The following SH3BGRL2 variants were observed in gnomAD, a reference collection of about 807,000 sequenced individuals.
The protein encoded by SH3BGRL2 is SH3 domain-binding glutamic acid-rich-like protein 2.
A neutral mutation model predicts 14.8 loss-of-function variants in SH3BGRL2; 21 were observed. That is an observed-to-expected ratio of 1.42 (90% CI 1.01 to 2.05). SH3BGRL2 has a LOEUF of 2.05. Ranked by LOEUF, SH3BGRL2 falls within the 30% of genes most tolerant of loss-of-function variation. The probability of loss-of-function intolerance (pLI) is 0.00; values close to 1 mark genes in which losing one functional copy is unlikely to be tolerated. For missense variants in SH3BGRL2, 147 were observed against 130.8 expected (o/e 1.12, Z -0.61); for synonymous variants, 50 against 47.8 (o/e 1.05, Z -0.19).
upstream of SH3BGRL2, among the ~76,000 whole-genome samples, chr6:79,628,798 C>T (rs1220749796): frequency 6.6e-6 from 1 of 152,220 alleles, no homozygotes; most frequent in East Asian, 1.9e-4. Context: ...TTATATCCTT[C>T]TGTTCCTCAG....
chr6:79,572,669 G>A, the SH3BGRL2 span, among the ~76,000 whole-genome samples: 1 of 152,098 alleles, frequency 6.6e-6, no homozygotes, highest in South Asian at 2.1e-4. Flanking sequence ...GTTTCACTGT[G>A]TTAGCCAGGA....
chr6:79,693,660 T>G (rs1770273976), intron 2 of SH3BGRL2, among the ~76,000 whole-genome samples: 1 of 152,210 alleles, frequency 6.6e-6, no homozygotes, highest in African/African-American at 2.4e-5. Context: ...TGGATTACAT[T>G]TATTGATTTG....
At chr6:79,652,154 G>A (rs1345534899) in intron 1 of SH3BGRL2, among the ~76,000 whole-genome samples, 3 of 152,138 alleles carry the variant, frequency 2.0e-5, no homozygotes, top group African/African-American at 7.2e-5. Flanking sequence ...AACTTGGATA[G>A]GAAGTATGGA....
chr6:79,591,636 G>A, the SH3BGRL2 span, among the ~76,000 whole-genome samples: 1 of 152,300 alleles, frequency 6.6e-6, no homozygotes, highest in Non-Finnish European at 1.5e-5. Flanking sequence ...TCGATCTCCT[G>A]ACTTCGTGAT....
chr6:79,557,760 T>C, the SH3BGRL2 span, among the ~76,000 whole-genome samples: 1 of 152,246 alleles, frequency 6.6e-6, no homozygotes, highest in South Asian at 2.1e-4. Context: ...AGAATGACTT[T>C]TTTCTAAGTA....
At chr6:79,567,636 TTACTTA>T in the SH3BGRL2 span, among the ~76,000 whole-genome samples, 2 of 152,236 alleles carry the variant, frequency 1.3e-5, no homozygotes, top group East Asian at 1.9e-4. Flanking sequence ...TGGCAGGAAT[TTACTTA>T]TACTTTTTAA....
At chr6:79,640,716 T>C (rs1416600693) in intron 1 of SH3BGRL2, among the ~76,000 whole-genome samples, 1 of 152,050 alleles carries the variant, frequency 6.6e-6, no homozygotes, top group Non-Finnish European at 1.5e-5. Context: ...TCTGCCAGCA[T>C]TGCTTCTCAG....
the SH3BGRL2 span, among the ~76,000 whole-genome samples, chr6:79,611,068 C>A: frequency 6.6e-6 from 1 of 152,092 alleles, no homozygotes; most frequent in Non-Finnish European, 1.5e-5. Flanking sequence ...CTCTAAAATT[C>A]TATGATTTTA....
chr6:79,656,630 AT>A (rs1377437349), intron 1 of SH3BGRL2, among the ~76,000 whole-genome samples: 1 of 152,218 alleles, frequency 6.6e-6, no homozygotes, highest in Non-Finnish European at 1.5e-5. Context: ...CAATAAAAAA[AT>A]AAAAATTTAA....
chr6:79,618,360 T>C, the SH3BGRL2 span, among the ~76,000 whole-genome samples: 42 of 152,322 alleles, frequency 2.8e-4, no homozygotes, highest in African/African-American at 9.6e-4. Flanking sequence ...GGCTTCCTCC[T>C]GTGTCCTTTT....
the SH3BGRL2 span, among the ~76,000 whole-genome samples, chr6:79,601,043 A>G: frequency 6.6e-6 from 1 of 152,166 alleles, no homozygotes; most frequent in African/African-American, 2.4e-5. Flanking sequence ...TGTCAGTTGA[A>G]GGATTTCATG....
chr6:79,661,095 T>C (rs1769537142), intron 1 of SH3BGRL2, among the ~76,000 whole-genome samples: 1 of 152,186 alleles, frequency 6.6e-6, no homozygotes, highest in Admixed American at 6.5e-5. Context: ...CTGGATTCAT[T>C]GATTTTTTGA....
chr6:79,628,868 A>G (rs1582708014), upstream of SH3BGRL2, among the ~76,000 whole-genome samples: 1 of 152,214 alleles, frequency 6.6e-6, no homozygotes, highest in African/African-American at 2.4e-5. Flanking sequence ...TCCATGAAAC[A>G]AAACCTATTT....
At chr6:79,589,051 C>G in the SH3BGRL2 span, among the ~76,000 whole-genome samples, 1 of 151,978 alleles carries the variant, frequency 6.6e-6, no homozygotes, top group African/African-American at 2.4e-5. Context: ...TTCATATAAC[C>G]TATACTTTAA....
At chr6:79,559,626 G>T in the SH3BGRL2 span, among the ~76,000 whole-genome samples, 25,075 of 152,104 alleles carry the variant, frequency 0.16, 2,194 homozygotes, top group South Asian at 0.22. Context: ...TGCTATACAG[G>T]ACATGATTGA....
At chr6:79,540,457 A>AAAAT in the SH3BGRL2 span, among the ~76,000 whole-genome samples, 1 of 151,240 alleles carries the variant, frequency 6.6e-6, no homozygotes, top group African/African-American at 2.4e-5. Context: ...ATAAATAAAT[A>AAAAT]AAATAAATAA....
chr6:79,547,082 A>G, the SH3BGRL2 span, among the ~76,000 whole-genome samples: 12 of 152,126 alleles, frequency 7.9e-5, no homozygotes, highest in Admixed American at 7.2e-4. Context: ...CGTAGAGACT[A>G]TTCTCTGTTT....
chr6:79,574,625 A>G, the SH3BGRL2 span: 2 of 152,336 alleles, frequency 1.3e-5, no homozygotes, highest in Non-Finnish European at 2.9e-5. Flanking sequence ...TGATTGTTAT[A>G]AAACAATGTG....
chr6:79,671,821 T>C (rs1181120702), intron 1 of SH3BGRL2, among the ~76,000 whole-genome samples: 2 of 152,174 alleles, frequency 1.3e-5, no homozygotes, highest in Non-Finnish European at 2.9e-5. Flanking sequence ...TTCCAGGCCA[T>C]GTTCACCTCT....
Sources: gnomAD v4.1 joint callset for allele counts (sites outside exome capture counted in the v4.1 genomes callset) on GRCh38, gnomAD v4.1.1 for gene constraint, MANE v1.5 for transcripts, NCBI Gene and HGNC (gene_info 2026-07-23, HGNC 2026-07-21) for gene names.